The following FRMD4B variants were observed in gnomAD, a reference collection of about 807,000 sequenced individuals.
The protein encoded by FRMD4B is FERM domain containing 4B.
In FRMD4B, 74 loss-of-function variants were observed where a neutral mutation model predicts 141.5. That is an observed-to-expected ratio of 0.52 (90% CI 0.43 to 0.63). FRMD4B has a LOEUF of 0.63. FRMD4B is among the 30% of genes least tolerant of loss of function. FRMD4B has a pLI of 0.00. For missense variants in FRMD4B, 1,366 were observed against 1,253.4 expected (o/e 1.09, Z -1.36); for synonymous variants, 506 against 467.9 (o/e 1.08, Z -1.05).
intron 1 of FRMD4B, among the ~76,000 whole-genome samples, chr3:69,368,213 C>G (rs1160457821): frequency 6.6e-6 from 1 of 152,162 alleles, no homozygotes; most frequent in Non-Finnish European, 1.5e-5. Context: ...GATGAGGAAA[C>G]TGAGGCTCAA....
At chr3:69,215,481 C>T (rs965918560) in intron 11 of FRMD4B, among the ~76,000 whole-genome samples, 1 of 151,222 alleles carries the variant, frequency 6.6e-6, no homozygotes, top group Non-Finnish European at 1.5e-5. Flanking sequence ...TTAGTAGAGA[C>T]GGGGTTACAC....
chr3:69,365,412 C>G (rs1032603916), intron 1 of FRMD4B, among the ~76,000 whole-genome samples: 3 of 152,106 alleles, frequency 2.0e-5, no homozygotes, highest in Admixed American at 6.5e-5. Flanking sequence ...ACATTTTTGG[C>G]CAGCAGACTG....
chr3:69,523,890 C>T (rs1158272014), intron 1 of FRMD4B, among the ~76,000 whole-genome samples: 1 of 152,144 alleles, frequency 6.6e-6, no homozygotes, highest in African/African-American at 2.4e-5. Flanking sequence ...CATTTACCAC[C>T]CTACCCAGGG....
chr3:69,421,429 C>T (rs1405842558), intron 2 of FRMD4B, among the ~76,000 whole-genome samples: 1 of 152,174 alleles, frequency 6.6e-6, no homozygotes, highest in East Asian at 1.9e-4. Flanking sequence ...TGACAGGGAA[C>T]AGTGGGGACT....
At chr3:69,366,666 G>GC (rs1449513678) in intron 1 of FRMD4B, among the ~76,000 whole-genome samples, 1 of 152,002 alleles carries the variant, frequency 6.6e-6, no homozygotes, top group Non-Finnish European at 1.5e-5. Context: ...AACATATGTT[G>GC]CTTTAATGAT....
rs555395448 is a variant in FRMD4B at position 69,244,761 on chromosome 3, G to C, written c.581+4465C>G. 2.0e-5 allele frequency among the ~76,000 whole-genome samples: 3 copies of C among 151,656 alleles called. No individual in the cohort carries two copies. In the South Asian group the frequency reaches 6.3e-4, roughly 32 times the overall value. On this transcript the variant is annotated intron_variant, in intron 7 of 22. Coordinates refer to ENST00000398540, the MANE Select transcript of FRMD4B (RefSeq NM_015123.3). Reference sequence around the variant, plus strand: ...ATACAAAAATTAGCCGGGCATGGTTGTATGTGCCTGTAATCCCAGTTACTT... The same window carrying C: ...ATACAAAAATTAGCCGGGCATGGTTCTATGTGCCTGTAATCCCAGTTACTT...
intron 1 of FRMD4B, among the ~76,000 whole-genome samples, chr3:69,507,816 A>T (rs1012504453): frequency 6.6e-6 from 1 of 152,204 alleles, no homozygotes; most frequent in Non-Finnish European, 1.5e-5. Context: ...CCTAAAAAAA[A>T]TTGTCAGAGT....
chr3:69,437,767 A>G (rs1381852357), intron 1 of FRMD4B, among the ~76,000 whole-genome samples: 3 of 129,312 alleles, frequency 2.3e-5, no homozygotes, highest in African/African-American at 9.2e-5. Context: ...TATAAATACT[A>G]TATATACTAT....
intron 1 of FRMD4B, among the ~76,000 whole-genome samples, chr3:69,490,629 T>G (rs766921320): frequency 3.0e-4 from 46 of 152,196 alleles, no homozygotes; most frequent in Non-Finnish European, 8.8e-5. Context: ...CTCACTGTAT[T>G]TGTGTCATGG....
chr3:69,458,876 A>C (rs988791196), intron 1 of FRMD4B, among the ~76,000 whole-genome samples: 1 of 138,268 alleles, frequency 7.2e-6, no homozygotes, highest in Non-Finnish European at 1.6e-5. Context: ...AAAAAAAAGG[A>C]GTCTAATTTG....
intron 7 of FRMD4B, among the ~76,000 whole-genome samples, chr3:69,245,386 C>CTGGAGTGCA (rs2093417206): frequency 6.6e-6 from 1 of 151,420 alleles, no homozygotes; most frequent in African/African-American, 2.4e-5. Flanking sequence ...GTTGCCCAGG[C>CTGGAGTGCA]TGGAGTGCAG....
At chr3:69,474,875 G>C (rs1410356697) in intron 1 of FRMD4B, among the ~76,000 whole-genome samples, 3 of 152,254 alleles carry the variant, frequency 2.0e-5, no homozygotes, top group Admixed American at 1.3e-4. Context: ...GCTATCAAAG[G>C]GGAAAGAGAG....
In FRMD4B at chr3:69,181,333, A is replaced by G; in HGVS notation, c.2417T>C (p.Ile806Thr). The change falls in exon 21 of 23, where the codon ATT (isoleucine) becomes ACT (threonine). Residue 806 changes from isoleucine to threonine, a missense_variant. Ile to Thr is a moderately conservative substitution (Grantham distance 89, BLOSUM62 -1). Coordinates refer to ENST00000398540, the MANE Select transcript of FRMD4B (RefSeq NM_015123.3). ...CTCTGCATAGGGTGTGTACCCGGCA[A>G]TGTAGTAACTGGAAGACGGTGGCTC... ...SQEPPSSSYYIAGYTPYAECD... is the reference protein window; with the variant it reads ...SQEPPSSSYYTAGYTPYAECD... 1 of 1,613,928 alleles carries G rather than the reference A, an allele frequency of 6.2e-7. No individual in the cohort carries two copies.
chr3:69,204,929 A>T (rs1179452059), intron 11 of FRMD4B, among the ~76,000 whole-genome samples: 1 of 152,176 alleles, frequency 6.6e-6, no homozygotes, highest in Admixed American at 6.5e-5. Context: ...AAGGTCACAC[A>T]GCGAAATAGG....
In FRMD4B at chr3:69,181,506, G is replaced by A; in HGVS notation, c.2244C>T (p.Gly748=). 1 of 1,613,722 alleles carries A rather than the reference G, an allele frequency of 6.2e-7. No individual in the cohort carries two copies. The change falls in exon 21 of 23, where the codon GGC becomes GGT. Residue 748 remains glycine (G), a synonymous_variant. Coordinates refer to ENST00000398540, the MANE Select transcript of FRMD4B (RefSeq NM_015123.3). ...CCAGGGTCTGGGTGGTGTAATAGGG[G>A]CCGGTAACTGGTGTCACACAGTAAT... ...TEYYCVTPVT[G]PYYTTQTLDT... is the part of the protein sequence containing the mutation.
chr3:69,333,437 C>T (rs1342855715), intron 1 of FRMD4B, among the ~76,000 whole-genome samples: 1 of 152,132 alleles, frequency 6.6e-6, no homozygotes, highest in Non-Finnish European at 1.5e-5. Context: ...GCCAGATCAC[C>T]CCCAGATTTC....
In FRMD4B at chr3:69,171,207, A is replaced by C. The variant is rs2107552063; in HGVS notation, c.*654T>G. On this transcript the variant is annotated 3_prime_UTR_variant, in exon 23 of 23. Coordinates refer to ENST00000398540, the MANE Select transcript of FRMD4B (RefSeq NM_015123.3). Reference sequence around the variant, plus strand: ...AATCTGCTACCATAAGTTATATTACAGGATGCTAAGGTAATCAGTTTTTCC... The same window carrying C: ...AATCTGCTACCATAAGTTATATTACCGGATGCTAAGGTAATCAGTTTTTCC... The C allele has an allele frequency of 6.6e-6, 1 of 152,344 alleles. No homozygotes were observed. The highest frequency in any genetic ancestry group is 2.4e-5 in the African/African-American group (1 of 41,580). The allele number at this position is 152,344 out of a possible 1,614,324, so 9.4% of individuals were successfully genotyped here. A position where few individuals can be genotyped will look rare whatever the true frequency, so the allele number is the denominator to read the frequency against.
intron 8 of FRMD4B, among the ~76,000 whole-genome samples, 166 bp downstream of exon 8, chr3:69,224,441 G>A (rs775909756): frequency 6.6e-6 from 1 of 152,176 alleles, no homozygotes; most frequent in Non-Finnish European, 1.5e-5. Context: ...TAAGCTTTGA[G>A]TAGATCCTTT....
intron 2 of FRMD4B, among the ~76,000 whole-genome samples, chr3:69,398,911 A>C (rs1382731889): frequency 6.6e-6 from 1 of 152,058 alleles, no homozygotes. Context: ...ACTGTAACAT[A>C]TATATATATA....
Sources: allele counts gnomAD v4.1 joint callset (sites outside exome capture counted in the v4.1 genomes callset), GRCh38; gene constraint gnomAD v4.1.1; transcripts MANE v1.5; gene names NCBI Gene and HGNC (gene_info 2026-07-23, HGNC 2026-07-21).